Variants in USP31 observed in about 807,000 individuals in gnomAD.
The protein encoded by USP31 is ubiquitin specific peptidase 31, also known as ubiquitin carboxyl-terminal hydrolase 31.
USP31 carries 44 observed loss-of-function variants against 119.4 expected under a neutral mutation model. The ratio of observed to expected loss-of-function variants is 0.37; its 90% CI spans 0.29 to 0.47. The LOEUF (loss-of-function observed/expected upper bound fraction) is 0.47, where lower values mean the gene tolerates loss of function less well. Ranked by LOEUF, USP31 falls within the 20% of genes least tolerant of loss-of-function variation. The probability of loss-of-function intolerance (pLI) is 0.99; values close to 1 mark genes in which losing one functional copy is unlikely to be tolerated. For synonymous variants in USP31, 749 were observed against 705.6 expected (o/e 1.06, Z -0.97); for missense variants, 1,643 against 1,730.2 (o/e 0.95, Z 0.89).
chr16:23,071,952 T>A, intron 15 of USP31, 93 bp downstream of exon 15: 1 of 1,504,510 alleles, frequency 6.6e-7, no homozygotes, highest in East Asian at 2.3e-5. Flanking sequence ...TCCTACCATC[T>A]CCTTGGGACT....
chr16:23,073,588 A>G (rs1900432698), intron 14 of USP31, 134 bp downstream of exon 14: 1 of 1,165,618 alleles, frequency 8.6e-7, no homozygotes. Context: ...TTTAGTTTCC[A>G]GATTAAATGG....
chr16:23,067,993 G>C lies in USP31; in HGVS notation c.*53C>G. 6.5e-7 allele frequency: 1 copy of C among 1,538,496 alleles called. No individual in the cohort carries two copies. Among genetic ancestry groups the C allele is most frequent in the Non-Finnish European group, 8.7e-7 (1 of 1,147,152 alleles). On this transcript the variant is annotated 3_prime_UTR_variant, in exon 16 of 16. Coordinates refer to ENST00000219689, the MANE Select transcript of USP31 (RefSeq NM_020718.4). ...CAGGAGGCTTTGGTGGGAGGGCAGG[G>C]GTTCTAAATAAATAAACATCTTTAC...
intron 4 of USP31, 147 bp from the exon 5 acceptor site, chr16:23,105,723 G>C (rs1902072392): frequency 1.2e-6 from 1 of 858,728 alleles, no homozygotes; most frequent in South Asian, 3.1e-5. Flanking sequence ...AATTTCACTT[G>C]GCTCTAAGCA....
At chr16:23,103,184 A>G (rs146827380) in intron 5 of USP31, among the ~76,000 whole-genome samples, 50 of 152,338 alleles carry the variant, frequency 3.3e-4, no homozygotes, top group African/African-American at 1.1e-3. Context: ...AGACTTGCCT[A>G]AAGTTCTACA....
At chr16:23,114,313 T>C (rs983495699) in intron 1 of USP31, among the ~76,000 whole-genome samples, 2 of 152,050 alleles carry the variant, frequency 1.3e-5, no homozygotes, top group African/African-American at 4.8e-5. Context: ...AGAGGACAAC[T>C]GCCAAGAAGA....
At chr16:23,140,147 T>G (rs1413734901) in intron 1 of USP31, among the ~76,000 whole-genome samples, 1 of 152,176 alleles carries the variant, frequency 6.6e-6, no homozygotes, top group African/African-American at 2.4e-5. Context: ...TCAAGAAGGC[T>G]CAATTGAATC....
intron 1 of USP31, among the ~76,000 whole-genome samples, chr16:23,144,719 T>A (rs552588597): frequency 6.6e-6 from 1 of 152,300 alleles, no homozygotes; most frequent in South Asian, 2.1e-4. Context: ...TGGTCTCAAG[T>A]GATCCACCCA....
At chr16:23,100,571 G>C (rs915273359) in intron 6 of USP31, among the ~76,000 whole-genome samples, 1 of 151,866 alleles carries the variant, frequency 6.6e-6, no homozygotes, top group Non-Finnish European at 1.5e-5. Flanking sequence ...TCAGGAGTTC[G>C]AGACCAGCCT....
chr16:23,090,522 A>T, intron 7 of USP31, 102 bp downstream of exon 7: 1 of 1,188,644 alleles, frequency 8.4e-7, no homozygotes, highest in Non-Finnish European at 1.1e-6. Flanking sequence ...ATCAAAAATT[A>T]ACTACTAAAA....
chr16:23,142,452 C>T (rs529222849), intron 1 of USP31, among the ~76,000 whole-genome samples: 31 of 152,340 alleles, frequency 2.0e-4, no homozygotes, highest in African/African-American at 7.0e-4. Context: ...CGTTTCAGCA[C>T]GTCCCCTCTG....
Position 23,082,580 on chromosome 16 carries a change from C to T in USP31, c.1831-23G>A, listed in dbSNP as rs759680270. On this transcript the variant is annotated intron_variant, in intron 11 of 15. Transcript: ENST00000219689. ...AAGCTGAAAACAGAAGCATGACTCC[C>T]GTTAAGTGCCACTTAATGCAAGACT... 3.0e-5 allele frequency: 49 copies of T among 1,613,292 alleles called. 1 individual carries two copies. Among genetic ancestry groups the T allele is most frequent in the African/African-American group, 6.7e-5 (5 of 74,864 alleles).
In USP31 at chr16:23,064,033, T is replaced by C. The variant is rs1899965681; in HGVS notation, c.*4013A>G. The C allele has an allele frequency of 6.6e-6, 1 of 152,668 alleles. No homozygotes were observed. The highest frequency in any genetic ancestry group is 1.5e-5 in the Non-Finnish European group (1 of 68,048). The allele number at this position is 152,668 out of a possible 1,614,324, so 9.5% of individuals were successfully genotyped here. ...AGACAGCCTGCACAGTAACAGCTAC[T>C]TTTTGTGTTCGTTTGTGATAGGTAC... On this transcript the variant is annotated 3_prime_UTR_variant, in exon 16 of 16. Transcript: ENST00000219689.
intron 12 of USP31, among the ~76,000 whole-genome samples, chr16:23,080,555 C>T (rs1900775453): frequency 6.6e-6 from 1 of 152,182 alleles, no homozygotes; most frequent in Non-Finnish European, 1.5e-5. Context: ...CAAACCACAG[C>T]GCCTGGTGCA....
At chr16:23,138,078 A>G (rs945189542) in intron 1 of USP31, among the ~76,000 whole-genome samples, 36 of 152,238 alleles carry the variant, frequency 2.4e-4, no homozygotes, top group African/African-American at 8.4e-4. Flanking sequence ...TGTATGTCAC[A>G]CTGCCCTAAG....
At chr16:23,143,588 G>GA (rs959602055) in intron 1 of USP31, among the ~76,000 whole-genome samples, 13 of 151,106 alleles carry the variant, frequency 8.6e-5, no homozygotes, top group Non-Finnish European at 1.9e-4. Flanking sequence ...GAGAGGTTGG[G>GA]GGGGGGGAGA....
intron 13 of USP31, among the ~76,000 whole-genome samples, chr16:23,075,577 A>G (rs1008521538): frequency 6.6e-6 from 1 of 152,352 alleles, no homozygotes; most frequent in East Asian, 1.9e-4. Context: ...AAGCATTTAA[A>G]AAACTTTTAT....
At chr16:23,114,452 GAA>G (rs917531470) in intron 1 of USP31, among the ~76,000 whole-genome samples, 1 of 89,968 alleles carries the variant, frequency 1.1e-5, no homozygotes, top group Non-Finnish European at 2.4e-5. Context: ...GAAAAAATAG[GAA>G]AAAAAAAAAA....
In USP31 at chr16:23,064,642, C is replaced by T. The variant is rs1284757964; in HGVS notation, c.*3404G>A. The T allele has an allele frequency of 1.3e-5, 2 of 152,186 alleles. No individual in the cohort carries two copies. The highest frequency in any genetic ancestry group is 2.9e-5 in the Non-Finnish European group (2 of 68,040). 9.4% of individuals were successfully genotyped at this position (152,186 alleles called of 1,614,324 possible). On this transcript the variant is annotated 3_prime_UTR_variant, in exon 16 of 16. Transcript: ENST00000219689. ...CAGACTTGCTCAAGAGAACCACAAG[C>T]CTTAGCCGATTTGACCGGAATCCAC...
intron 5 of USP31, 59 bp downstream of exon 5, chr16:23,105,382 G>A: frequency 6.8e-7 from 1 of 1,461,382 alleles, no homozygotes; most frequent in Non-Finnish European, 9.1e-7. Context: ...AAAATTCTAA[G>A]AGAACAGAAA....
Sources: allele counts gnomAD v4.1 joint callset (sites outside exome capture counted in the v4.1 genomes callset), GRCh38; gene constraint gnomAD v4.1.1; transcripts MANE v1.5; gene names NCBI Gene and HGNC (gene_info 2026-07-23, HGNC 2026-07-21).